The following RTL4 variants were observed in gnomAD, a reference collection of about 807,000 sequenced individuals.
RTL4 encodes the protein retrotransposon Gag-like protein 4.
A neutral mutation model predicts 5.3 loss-of-function variants in RTL4; 4 were observed. The observed-to-expected ratio is 0.75, with a 90% CI of 0.37 to 1.72. RTL4 has a LOEUF of 1.72. Ranked by LOEUF, RTL4 falls within the 40% of genes most tolerant of loss-of-function variation. The pLI is 0.04. For missense variants in RTL4, 260 were observed against 227.1 expected (o/e 1.14, Z -0.93); for synonymous variants, 98 against 87.3 (o/e 1.12, Z -0.68).
chrX:112,084,466 A>G, the RTL4 span, among the ~76,000 whole-genome samples: 1 of 109,856 alleles, frequency 9.1e-6, no homozygotes, highest in Non-Finnish European at 1.9e-5. Context: ...CAACTTAAAT[A>G]CTTCAGGAAG....
chrX:112,349,532 A>G, the RTL4 span, among the ~76,000 whole-genome samples: 1 of 105,861 alleles, frequency 9.4e-6, no homozygotes, highest in Non-Finnish European at 1.9e-5. Context: ...ATCCTCTTTT[A>G]TTTCATTGAG....
At chrX:112,110,444 A>G in the RTL4 span, among the ~76,000 whole-genome samples, 13 of 111,648 alleles carry the variant, frequency 1.2e-4, no homozygotes, top group Admixed American at 1.1e-3. Flanking sequence ...TCCTAACCCT[A>G]TAAGTAGGGG....
At chrX:112,255,359 A>T in the RTL4 span, among the ~76,000 whole-genome samples, 2 of 111,916 alleles carry the variant, frequency 1.8e-5, no homozygotes, top group African/African-American at 6.5e-5. Flanking sequence ...TATTGGAGGG[A>T]CAAGATACAA....
chrX:112,087,530 A>C, the RTL4 span, among the ~76,000 whole-genome samples: 4 of 110,904 alleles, frequency 3.6e-5, no homozygotes, highest in African/African-American at 1.3e-4. Context: ...TCTCTCCGGA[A>C]AGTTTGTCAT....
chrX:112,419,595 T>TTACATATGTATGTGTATATATATATATA, the RTL4 span, among the ~76,000 whole-genome samples: 2 of 28,158 alleles, frequency 7.1e-5, no homozygotes. Context: ...ATATATATAT[T>TTACATATGTATGTGTATATATATATATA]TTTACATATG....
chrX:112,131,263 G>A, the RTL4 span, among the ~76,000 whole-genome samples: 1 of 105,008 alleles, frequency 9.5e-6, no homozygotes, highest in African/African-American at 3.6e-5. Flanking sequence ...AGACTTTTAA[G>A]TTAGTCAAGC....
At chrX:112,401,429 C>G in the RTL4 span, among the ~76,000 whole-genome samples, 10 of 111,661 alleles carry the variant, frequency 9.0e-5, no homozygotes, top group African/African-American at 3.3e-4. Context: ...ACATCTTGCT[C>G]TCATTTCAAT....
chrX:112,174,534 A>G, the RTL4 span, among the ~76,000 whole-genome samples: 2 of 106,438 alleles, frequency 1.9e-5, no homozygotes, highest in African/African-American at 3.4e-5. Flanking sequence ...TAGTGCCACA[A>G]TAAGCATACA....
chrX:112,242,857 T>G, the RTL4 span, among the ~76,000 whole-genome samples: 1 of 111,565 alleles, frequency 9.0e-6, no homozygotes, highest in Non-Finnish European at 1.9e-5. Context: ...CTTATTATTT[T>G]GAAATACATC....
chrX:112,124,569 C>A, the RTL4 span, among the ~76,000 whole-genome samples: 1 of 109,769 alleles, frequency 9.1e-6, no homozygotes, highest in Non-Finnish European at 1.9e-5. Context: ...CAAAATAAGA[C>A]GGGAACAGAA....
chrX:112,097,922 G>C, the RTL4 span, among the ~76,000 whole-genome samples: 1 of 111,224 alleles, frequency 9.0e-6, no homozygotes, highest in South Asian at 3.8e-4. Flanking sequence ...TTTTGAGCTA[G>C]ACACTGTGCT....
chrX:112,291,360 A>G, the RTL4 span, among the ~76,000 whole-genome samples: 1 of 93,532 alleles, frequency 1.1e-5, no homozygotes, highest in African/African-American at 4.2e-5. Context: ...AGATATATGT[A>G]TGTTTGTACA....
chrX:112,373,976 A>G, the RTL4 span, among the ~76,000 whole-genome samples: 2 of 110,860 alleles, frequency 1.8e-5, no homozygotes, highest in African/African-American at 6.5e-5. Context: ...CTTTTTATTG[A>G]TGAGTAGTTT....
chrX:112,245,799 C>G, the RTL4 span, among the ~76,000 whole-genome samples: 1 of 112,442 alleles, frequency 8.9e-6, no homozygotes, highest in Non-Finnish European at 1.9e-5. Context: ...GAATTTTCAG[C>G]TTCTCTGCTC....
the RTL4 span, among the ~76,000 whole-genome samples, chrX:112,175,556 A>C: frequency 1.0e-4 from 11 of 108,728 alleles, no homozygotes; most frequent in Admixed American, 4.0e-4. Context: ...TTGACTTGGC[A>C]ATGCGGGCTC....
the RTL4 span, among the ~76,000 whole-genome samples, chrX:112,387,896 T>A: frequency 8.9e-6 from 1 of 112,162 alleles, no homozygotes; most frequent in Non-Finnish European, 1.9e-5. Flanking sequence ...TTGCCTTGGC[T>A]ATCTGAGCTC....
the RTL4 span, among the ~76,000 whole-genome samples, chrX:112,442,320 A>T: frequency 9.2e-6 from 1 of 108,354 alleles, no homozygotes; most frequent in Non-Finnish European, 1.9e-5. Context: ...GGCTCACTGC[A>T]ACCTCCACCG....
chrX:112,263,556 T>C, the RTL4 span, among the ~76,000 whole-genome samples: 1 of 112,321 alleles, frequency 8.9e-6, no homozygotes, highest in Non-Finnish European at 1.9e-5. Flanking sequence ...AGTTAGGTCA[T>C]GCAGTATTTG....
the RTL4 span, among the ~76,000 whole-genome samples, chrX:112,230,194 G>A: frequency 3.5e-5 from 4 of 112,766 alleles, no homozygotes; most frequent in Non-Finnish European, 7.5e-5. Context: ...GAGCTTCCCA[G>A]CTGCTTTGTT....
Sources: gnomAD v4.1 joint callset for allele counts (sites outside exome capture counted in the v4.1 genomes callset) on GRCh38, gnomAD v4.1.1 for gene constraint, MANE v1.5 for transcripts, NCBI Gene and HGNC (gene_info 2026-07-23, HGNC 2026-07-21) for gene names.